The following PLPP1 variants were observed in gnomAD, a reference collection of about 807,000 sequenced individuals.
PLPP1 encodes phospholipid phosphatase 1, also known as lipid phosphate phosphohydrolase 1a.
A neutral mutation model predicts 31.2 loss-of-function variants in PLPP1; 24 were observed. The observed-to-expected ratio is 0.77, with a 90% confidence interval of 0.56 to 1.08. The LOEUF is 1.08. Ranked by LOEUF, PLPP1 falls within the 50% of genes least tolerant of loss-of-function variation. PLPP1 has a pLI of 0.00. For synonymous variants in PLPP1, 146 were observed against 126.3 expected, an observed-to-expected ratio of 1.16 and a Z score of -1.05; for missense variants, 319 against 342.7, an observed-to-expected ratio of 0.93 and a Z score of 0.55.
chr5:55,506,279 A>AG (rs1437929138), intron 1 of PLPP1, among the ~76,000 whole-genome samples: 3 of 150,844 alleles, frequency 2.0e-5, no homozygotes, highest in East Asian at 3.9e-4. Flanking sequence ...AAAAAAAAAA[A>AG]GGCACTAATT....
intron 1 of PLPP1, among the ~76,000 whole-genome samples, chr5:55,497,522 G>A (rs1273943734): frequency 6.6e-5 from 10 of 151,334 alleles, no homozygotes. Context: ...CAAAGTGCTG[G>A]GATTACACAT....
chr5:55,432,125 G>A lies in PLPP1; in HGVS notation c.550-6086C>T, dbSNP rs542485790. Among the ~76,000 whole-genome samples the A allele has an allele frequency of 1.5e-4, 20 of 134,778 alleles. No homozygotes were observed. The East Asian group carries it at 3.5e-3, about 24-fold the overall frequency. The allele number at this position is 134,778 out of a possible 152,430, so 88.4% of individuals were successfully genotyped here. On this transcript the variant is annotated intron_variant, in intron 4 of 5. Transcript: ENST00000307259. The stretch of plus-strand genomic sequence containing the variant: ...TTTTTTTTTTTTTTTTTTTTTTTTG[G>A]TAGAGACAGGGTCTTGCTATGTTGC...
At chr5:55,530,280 C>G in intron 1 of PLPP1, 2 of 1,508,332 alleles carry the variant, frequency 1.3e-6, no homozygotes, top group Non-Finnish European at 1.8e-6. Flanking sequence ...AACGAAATTT[C>G]TGGTAATCTG....
At chr5:55,523,584 T>C (rs1227840332) in intron 1 of PLPP1, among the ~76,000 whole-genome samples, 1 of 152,236 alleles carries the variant, frequency 6.6e-6, no homozygotes, top group Non-Finnish European at 1.5e-5. Flanking sequence ...CTGCACTGGC[T>C]GTACCAAGCC....
At chr5:55,484,129 C>A (rs1752728154) in intron 1 of PLPP1, among the ~76,000 whole-genome samples, 1 of 152,142 alleles carries the variant, frequency 6.6e-6, no homozygotes, top group African/African-American at 2.4e-5. Context: ...CATGCCCAGT[C>A]TTAGCAAAAG....
chr5:55,434,132 C>CA (rs528979124), intron 4 of PLPP1, among the ~76,000 whole-genome samples: 1,250 of 52,646 alleles, frequency 0.024, 17 homozygotes, highest in African/African-American at 0.055. Context: ...GACTCTGTCT[C>CA]AAAAAAAAAA....
At chr5:55,477,288 GC>G (rs1399300060) in intron 1 of PLPP1, among the ~76,000 whole-genome samples, 13 of 152,176 alleles carry the variant, frequency 8.5e-5, no homozygotes, top group African/African-American at 3.1e-4. Flanking sequence ...ATTATTGGCT[GC>G]CCCATGCAGT....
intron 3 of PLPP1, among the ~76,000 whole-genome samples, chr5:55,442,697 T>TTCCC (rs1751651742): frequency 6.6e-6 from 1 of 151,918 alleles, no homozygotes; most frequent in Non-Finnish European, 1.5e-5. Flanking sequence ...CATCTTGCCT[T>TTCCC]ACATTTCCCA....
chr5:55,454,489 G>C (rs1211831093), intron 3 of PLPP1, among the ~76,000 whole-genome samples: 1 of 152,180 alleles, frequency 6.6e-6, no homozygotes, highest in Admixed American at 6.5e-5. Flanking sequence ...TGGTCCAGGC[G>C]AAGCTGGGGC....
intron 4 of PLPP1, among the ~76,000 whole-genome samples, chr5:55,427,487 G>A (rs776632906): frequency 2.3e-4 from 35 of 151,894 alleles, no homozygotes; most frequent in Non-Finnish European, 4.4e-4. Context: ...TGTGAAAAAA[G>A]TAAGTAGTCA....
At chr5:55,444,240 C>A (rs1751700075) in intron 3 of PLPP1, among the ~76,000 whole-genome samples, 1 of 152,074 alleles carries the variant, frequency 6.6e-6, no homozygotes, top group Non-Finnish European at 1.5e-5. Flanking sequence ...CACCACTGTG[C>A]CAGCTAATGT....
intron 3 of PLPP1, among the ~76,000 whole-genome samples, chr5:55,447,939 G>A: frequency 6.6e-6 from 1 of 152,034 alleles, no homozygotes. Flanking sequence ...CCATAACGAG[G>A]CATTTTCTCA....
intron 3 of PLPP1, among the ~76,000 whole-genome samples, chr5:55,443,234 C>CACACAT (rs1321515341): frequency 8.0e-6 from 1 of 124,876 alleles, no homozygotes; most frequent in African/African-American, 3.0e-5. Context: ...CACACACACA[C>CACACAT]ATATATATGA....
At chr5:55,441,729 C>T in intron 4 of PLPP1, 122 bp downstream of exon 4, 2 of 1,036,644 alleles carry the variant, frequency 1.9e-6, no homozygotes, top group Non-Finnish European at 3.0e-6. Context: ...TACAGATTTG[C>T]AGATCATCTG....
chr5:55,498,366 C>T (rs564008666), intron 1 of PLPP1, among the ~76,000 whole-genome samples: 2 of 151,520 alleles, frequency 1.3e-5, no homozygotes, highest in African/African-American at 4.8e-5. Flanking sequence ...GAAGTTATTC[C>T]TACACAACTG....
intron 3 of PLPP1, among the ~76,000 whole-genome samples, chr5:55,445,195 G>A (rs1385206805): frequency 1.3e-5 from 2 of 152,014 alleles, no homozygotes; most frequent in South Asian, 2.1e-4. Context: ...GCCTGCATCC[G>A]CCTGCCCCCA....
At chr5:55,531,772 G>A (rs1363911658) in intron 1 of PLPP1, among the ~76,000 whole-genome samples, 2 of 152,172 alleles carry the variant, frequency 1.3e-5, no homozygotes, top group South Asian at 2.1e-4. Flanking sequence ...TCTTCCAAAA[G>A]TAAGCGTGAA....
At chr5:55,505,998 A>G (rs188524955) in intron 1 of PLPP1, among the ~76,000 whole-genome samples, 109 of 152,356 alleles carry the variant, frequency 7.2e-4, no homozygotes, top group African/African-American at 2.6e-3. Flanking sequence ...CAGAGGTTGC[A>G]GGGAGCTGAG....
chr5:55,534,520 GCCCTCC>G, intron 1 of PLPP1, 46 bp downstream of exon 1: 3 of 1,499,208 alleles, frequency 2.0e-6, no homozygotes, highest in Non-Finnish European at 2.7e-6. Flanking sequence ...CTGCGCTAAA[GCCCTCC>G]CGGGACAGCC....
Sources: allele counts gnomAD v4.1 joint callset (sites outside exome capture counted in the v4.1 genomes callset), GRCh38; gene constraint gnomAD v4.1.1; transcripts MANE v1.5; gene names NCBI Gene and HGNC (gene_info 2026-07-23, HGNC 2026-07-21).